The following HINT1 variants were observed in gnomAD, a reference collection of about 807,000 sequenced individuals.
HINT1 encodes the protein histidine triad nucleotide binding protein 1, also known as adenosine 5'-monophosphoramidase HINT1.
Under a neutral mutation model 11.2 loss-of-function variants are expected in HINT1, and 12 were observed. The ratio of observed to expected loss-of-function variants is 1.07; its 90% CI spans 0.69 to 1.74. HINT1 has a LOEUF of 1.74. Among genes scored for constraint, HINT1 ranks in the 40% most tolerant of loss-of-function variants. The probability of loss-of-function intolerance (pLI) is 0.00; values close to 1 mark genes in which losing one functional copy is unlikely to be tolerated. For missense variants in HINT1, 150 were observed against 161.8 expected (o/e 0.93, Z 0.40); for synonymous variants, 42 against 52.6 (o/e 0.80, Z 0.87).
chr5:131,163,067 C>T (rs563846527), intron 1 of HINT1, among the ~76,000 whole-genome samples: 1 of 152,124 alleles, frequency 6.6e-6, no homozygotes, highest in South Asian at 2.1e-4. Context: ...GAACTCCTGA[C>T]CTCAGGTGAT....
At chr5:131,161,904 C>T (rs146802367) in intron 2 of HINT1, among the ~76,000 whole-genome samples, 4 of 152,344 alleles carry the variant, frequency 2.6e-5, no homozygotes, top group African/African-American at 9.6e-5. Flanking sequence ...AACCCCTCGT[C>T]TTCCTCAGCC....
Position 131,165,098 on chromosome 5 carries a change from GTCATCC to G in HINT1, c.102_107del (p.Glu34_Asp35del), listed in dbSNP as rs1189111449. ...AGAGGTGGTGCCCAGTACCTACCCG[GTCATCC>G]TCAAAAATGATTTTGGCTGGTATTT... On this transcript the variant is annotated inframe_deletion, in exon 1 of 3. Coordinates refer to ENST00000304043, the MANE Select transcript of HINT1 (RefSeq NM_005340.7). The G allele has an allele frequency of 6.2e-7, 1 of 1,613,566 alleles. No individual in the cohort carries two copies. The highest frequency in any genetic ancestry group is 2.2e-5 in the East Asian group (1 of 44,888).
intron 2 of HINT1, chr5:131,160,969 G>T (rs182855844): frequency 2.9e-6 from 1 of 348,044 alleles, no homozygotes; most frequent in South Asian, 2.1e-5. Flanking sequence ...TGTCTTACAC[G>T]CATTTTCAAC....
chr5:131,164,914 G>T, intron 1 of HINT1, 181 bp downstream of exon 1: 1 of 765,694 alleles, frequency 1.3e-6, no homozygotes, highest in East Asian at 3.3e-5. Context: ...GGCACGCGCC[G>T]GCAGGCCGCC....
At chr5:131,162,309 ACT>A (rs1441563321) in intron 2 of HINT1, 6 of 691,912 alleles carry the variant, frequency 8.7e-6, no homozygotes, top group Admixed American at 4.8e-5. Flanking sequence ...ACAGAGCAAG[ACT>A]CTGTCTCAAA....
At chr5:131,162,334 AG>A (rs1490956618) in intron 2 of HINT1, 2 of 748,680 alleles carry the variant, frequency 2.7e-6, no homozygotes, top group African/African-American at 1.8e-5. Flanking sequence ...AAAAAAAAAA[AG>A]GTAATAGCAA....
At position 131,162,689 on chromosome 5, in the gene HINT1, G is replaced by GAAAT. The variant is rs1064794666; in HGVS notation, c.112-17_112-14dup. 7 of 1,516,630 alleles carry GAAAT rather than the reference G, an allele frequency of 4.6e-6. No individual in the cohort carries two copies. The highest frequency in any genetic ancestry group is 4.5e-6 in the Non-Finnish European group (5 of 1,099,894). The allele number at this position is 1,516,630 out of a possible 1,614,324, so 93.9% of individuals were successfully genotyped here. ...GGAAAGCAAGGCACTAGGGAAAAGA[G>GAAAT]AAATAAATAAATAAATCAAACTTTT... On this transcript the variant is annotated splice_polypyrimidine_tract_variant and intron_variant, in intron 1 of 2. Coordinates refer to ENST00000304043, the MANE Select transcript of HINT1 (RefSeq NM_005340.7).
intron 1 of HINT1, among the ~76,000 whole-genome samples, chr5:131,163,556 GGTCAGA>G (rs2149653741): frequency 6.6e-6 from 1 of 151,090 alleles, no homozygotes; most frequent in South Asian, 2.1e-4. Context: ...ATTACTCCCA[GGTCAGA>G]GTCCTAGTTG....
In HINT1 at chr5:131,162,675, C is replaced by T; in HGVS notation, c.113G>A (p.Cys38Tyr). Residue 38 changes from cysteine to tyrosine, a missense_variant and splice_region_variant, in exon 2 of 3, where the codon TGC becomes TAC. Transcript: ENST00000304043. Reference protein sequence around the residue: ...PAKIIFEDDRCLAFHDISPQA... With the variant: ...PAKIIFEDDRYLAFHDISPQA... ...AGGGGAAATGTCATGGAAAGCAAGG[C>T]ACTAGGGAAAAGAGAAATAAATAAA... 2 of 1,582,108 alleles carry T rather than the reference C, an allele frequency of 1.3e-6. No individual in the cohort carries two copies. Among genetic ancestry groups the T allele is most frequent in the Non-Finnish European group, 1.7e-6 (2 of 1,156,258 alleles).
At chr5:131,162,724 G>T in intron 1 of HINT1, 48 bp from the exon 2 acceptor site, 1 of 1,272,838 alleles carries the variant, frequency 7.9e-7, no homozygotes, top group Non-Finnish European at 1.1e-6. Flanking sequence ...TAGTATATTG[G>T]TAGGATAAAA....
rs1413538833 is a variant in HINT1, at chr5:131,159,117, T to C, written c.*330A>G. On this transcript the variant is annotated 3_prime_UTR_variant, in exon 3 of 3. Coordinates refer to ENST00000304043, the MANE Select transcript of HINT1 (RefSeq NM_005340.7). ...AAGTTAAAGCTAAATTTATAAACTCTCATTATTTGTCTTCAAAGACTAGTA... is the reference window on the plus strand; with the variant it reads ...AAGTTAAAGCTAAATTTATAAACTCCCATTATTTGTCTTCAAAGACTAGTA... The C allele has an allele frequency of 5.7e-6, 1 of 176,234 alleles. No homozygotes were observed. Among genetic ancestry groups the C allele is most frequent in the Non-Finnish European group, 1.2e-5 (1 of 84,224 alleles). The allele number at this position is 176,234 out of a possible 1,614,324, so 10.9% of individuals were successfully genotyped here. A position where few individuals can be genotyped will look rare whatever the true frequency, so the allele number is the denominator to read the frequency against.
intron 1 of HINT1, among the ~76,000 whole-genome samples, chr5:131,164,102 T>G (rs1446074658): frequency 6.6e-6 from 1 of 152,258 alleles, no homozygotes; most frequent in Non-Finnish European, 1.5e-5. Flanking sequence ...GATAACGTTT[T>G]GAATCTAACC....
At chr5:131,163,091 C>G (rs1380018846) in intron 1 of HINT1, among the ~76,000 whole-genome samples, 1 of 152,214 alleles carries the variant, frequency 6.6e-6, no homozygotes, top group Non-Finnish European at 1.5e-5. Context: ...CCTGCCTCGG[C>G]CTCCCAGAGT....
chr5:131,162,957 C>T (rs1755296012), intron 1 of HINT1, among the ~76,000 whole-genome samples: 1 of 152,136 alleles, frequency 6.6e-6, no homozygotes, highest in Admixed American at 6.5e-5. Context: ...CTTGCCTCGG[C>T]CTCCCAAGTA....
At chr5:131,163,866 TA>T (rs1219198319) in intron 1 of HINT1, among the ~76,000 whole-genome samples, 1 of 152,170 alleles carries the variant, frequency 6.6e-6, no homozygotes, top group African/African-American at 2.4e-5. Context: ...GTCTCAGGAG[TA>T]ATTCTACTGG....
chr5:131,165,077 G>C lies in HINT1; in HGVS notation c.111+18C>G. On this transcript the variant is annotated intron_variant, in intron 1 of 2. Transcript: ENST00000304043. Reference sequence around the variant, plus strand: ...ATACCCACCTCAGCAGGCGAGAGAGGTGGTGCCCAGTACCTACCCGGTCAT... The same window carrying C: ...ATACCCACCTCAGCAGGCGAGAGAGCTGGTGCCCAGTACCTACCCGGTCAT... 1 of 1,613,558 alleles carries C rather than the reference G, an allele frequency of 6.2e-7. No individual in the cohort carries two copies. The highest frequency in any genetic ancestry group is 8.5e-7 in the Non-Finnish European group (1 of 1,179,812).
At position 131,162,569 on chromosome 5, in the gene HINT1, T is replaced by C; in HGVS notation, c.216+3A>G. The stretch of plus-strand genomic sequence containing the variant: ...AAATAAATCATGTTAGAAATGTACT[T>C]ACACTTTCATCATCATCTTCTGCCA... On this transcript the variant is annotated splice_donor_region_variant and intron_variant, in intron 2 of 2. Transcript: ENST00000304043. 1 of 1,607,138 alleles carries C rather than the reference T, an allele frequency of 6.2e-7. No homozygotes were observed. Among genetic ancestry groups the C allele is most frequent in the South Asian group, 1.1e-5 (1 of 90,906 alleles).
intron 2 of HINT1, among the ~76,000 whole-genome samples, chr5:131,160,419 T>A (rs1448853861): frequency 6.6e-6 from 1 of 152,194 alleles, no homozygotes; most frequent in East Asian, 1.9e-4. Context: ...CTTTCTTCCC[T>A]AATAAAAGTT....
Position 131,159,419 on chromosome 5 carries a change from A to C in HINT1, c.*28T>G. 1.2e-6 allele frequency: 2 copies of C among 1,605,288 alleles called. No individual in the cohort carries two copies. Among genetic ancestry groups the C allele is most frequent in the Non-Finnish European group, 1.7e-6 (2 of 1,176,070 alleles). ...ATTGCCTAACTTAATCATTGCCTAA[A>C]GAAGAGAAAATTATCCCCAAAACGT... On this transcript the variant is annotated 3_prime_UTR_variant, in exon 3 of 3. Coordinates refer to ENST00000304043, the MANE Select transcript of HINT1 (RefSeq NM_005340.7).
Sources: allele counts gnomAD v4.1 joint callset (sites outside exome capture counted in the v4.1 genomes callset), GRCh38; gene constraint gnomAD v4.1.1; transcripts MANE v1.5; gene names NCBI Gene and HGNC (gene_info 2026-07-23, HGNC 2026-07-21).